The following FBXO42 variants were observed in gnomAD, a reference collection of about 807,000 sequenced individuals.
The protein encoded by FBXO42 is F-box protein 42.
FBXO42 carries 12 observed loss-of-function variants against 71.7 expected under a neutral mutation model. The ratio of observed to expected loss-of-function variants is 0.17; its 90% CI spans 0.11 to 0.27. The LOEUF (loss-of-function observed/expected upper bound fraction) is 0.27, where lower values mean the gene tolerates loss of function less well. Ranked by LOEUF, FBXO42 falls within the 10% of genes least tolerant of loss-of-function variation. The pLI is 1.00. For synonymous variants in FBXO42, 325 were observed against 327.5 expected (o/e 0.99, Z 0.08); for missense variants, 707 against 911.9 (o/e 0.78, Z 2.89).
At chr1:16,337,713 G>A (rs983899911) in intron 1 of FBXO42, among the ~76,000 whole-genome samples, 12 of 150,240 alleles carry the variant, frequency 8.0e-5, no homozygotes, top group Non-Finnish European at 8.9e-5. Context: ...TGAAACCCCC[G>A]CCTCTACAAA....
rs1230724993 is a variant in FBXO42, at chr1:16,257,683, CT to C, written c.503-925del. 8.9e-4 allele frequency among the ~76,000 whole-genome samples: 136 copies of C among 152,058 alleles called. 2 individuals are homozygous for C. The highest frequency in any genetic ancestry group is 2.4e-4 in the Non-Finnish European group (16 of 67,968). On this transcript the variant is annotated intron_variant, in intron 4 of 9. Coordinates refer to ENST00000375592, the MANE Select transcript of FBXO42 (RefSeq NM_018994.3). ...CCAGGTGTCAGTAAATACCAGAATA[CT>C]TTTTTTTTCCTTTGGAGGTGGAGTC...
chr1:16,339,612 T>C, intron 1 of FBXO42, among the ~76,000 whole-genome samples: 1 of 152,122 alleles, frequency 6.6e-6, no homozygotes, highest in East Asian at 1.9e-4. Context: ...CACCCAGCCA[T>C]AGTTATGTTC....
rs1276127187 is a variant in FBXO42, at chr1:16,251,335, A to G, written c.1489T>C (p.Leu497=). 1 of 1,614,052 alleles carries G rather than the reference A, an allele frequency of 6.2e-7. No individual in the cohort carries two copies. Among genetic ancestry groups the G allele is most frequent in the East Asian group, 2.2e-5 (1 of 44,894 alleles). Residue 497 remains leucine (L), a synonymous_variant, in exon 10 of 10, where the codon TTA becomes CTA. Coordinates refer to ENST00000375592, the MANE Select transcript of FBXO42 (RefSeq NM_018994.3). The surrounding 1 kb of genome is among the most constrained non-coding windows in gnomAD (Gnocchi z 4.5). ...TCCCAATTCAGATCTATGGATCCTA[A>G]TCTCAGATCTTTCTGATCTGGTAGT... ...GSLPDQKDLR[L]GSIDLNWDLK...
At chr1:16,311,503 A>AAAAAT (rs1553153698) in intron 2 of FBXO42, among the ~76,000 whole-genome samples, 2 of 65,564 alleles carry the variant, frequency 3.1e-5, no homozygotes, top group Admixed American at 1.7e-4. Context: ...AAAAAAAAAA[A>AAAAAT]ATATATATAT....
intron 2 of FBXO42, among the ~76,000 whole-genome samples, chr1:16,312,237 C>T (rs960603029): frequency 1.3e-5 from 2 of 151,980 alleles, no homozygotes; most frequent in African/African-American, 4.8e-5. Flanking sequence ...TGGTGCACAC[C>T]TGTGGTCCCA....
Position 16,252,988 on chromosome 1 carries a change from A to C in FBXO42, c.921+108T>G. The C allele has an allele frequency of 1.1e-6, 1 of 945,332 alleles. No individual in the cohort carries two copies. Among genetic ancestry groups the C allele is most frequent in the Non-Finnish European group, 1.6e-6 (1 of 641,732 alleles). The allele number at this position is 945,332 out of a possible 1,614,324, so 58.6% of individuals were successfully genotyped here. A position where few individuals can be genotyped will look rare whatever the true frequency, so the allele number is the denominator to read the frequency against. On this transcript the variant is annotated intron_variant, in intron 8 of 9. Coordinates refer to ENST00000375592, the MANE Select transcript of FBXO42 (RefSeq NM_018994.3). This position sits in a 1 kb window ranked among gnomAD's most constrained non-coding sequence, Gnocchi z 4.4. ...ATACCCAAAAAGCATTCCTTAAATT[A>C]AAATGCCATGGAAATAGTCTTGTAT...
At chr1:16,255,206 T>C (rs1380420437) in intron 6 of FBXO42, among the ~76,000 whole-genome samples, 1 of 152,212 alleles carries the variant, frequency 6.6e-6, no homozygotes, top group Non-Finnish European at 1.5e-5. Flanking sequence ...AGATTCTATA[T>C]AACTATGATT....
chr1:16,333,357 A>G (rs1166928214), intron 1 of FBXO42, among the ~76,000 whole-genome samples: 2 of 151,974 alleles, frequency 1.3e-5, no homozygotes, highest in African/African-American at 4.8e-5. Context: ...TTATGCCTAT[A>G]ATCACAGCAA....
At chr1:16,272,134 G>C (rs1374138859) in intron 4 of FBXO42, among the ~76,000 whole-genome samples, 2 of 125,994 alleles carry the variant, frequency 1.6e-5, no homozygotes, top group Non-Finnish European at 3.3e-5. Context: ...CAGCCTGGGG[G>C]ACAGAGCAAG....
Position 16,315,363 on chromosome 1 carries a change from T to C in FBXO42, c.56A>G (p.Glu19Gly). 2 of 1,614,198 alleles carry C rather than the reference T, an allele frequency of 1.2e-6. No individual in the cohort carries two copies. Among genetic ancestry groups the C allele is most frequent in the Non-Finnish European group, 1.7e-6 (2 of 1,180,038 alleles). Residue 19 changes from glutamate to glycine, a missense_variant, in exon 2 of 10, where the codon GAA becomes GGA. By Grantham distance (98) the Glu-to-Gly change is moderately conservative. Transcript: ENST00000375592. ...ATCCATTGTCCCTTCCAGCACAGTT[T>C]CTTCCTGGTCCACAGCCATGAAACT... ...DDSFMAVDQEETVLEGTMDQD... is the reference protein window; with the variant it reads ...DDSFMAVDQEGTVLEGTMDQD...
chr1:16,274,141 C>G (rs2081873496), intron 4 of FBXO42, among the ~76,000 whole-genome samples: 1 of 151,498 alleles, frequency 6.6e-6, no homozygotes, highest in South Asian at 2.1e-4. Flanking sequence ...AGTACCCCAT[C>G]TCTACAAAAA....
At chr1:16,350,855 C>T (rs547729919) in intron 1 of FBXO42, among the ~76,000 whole-genome samples, 4 of 151,518 alleles carry the variant, frequency 2.6e-5, no homozygotes, top group African/African-American at 9.7e-5. Flanking sequence ...TTTTAAGATA[C>T]GCAACATGCC....
intron 2 of FBXO42, among the ~76,000 whole-genome samples, chr1:16,308,230 C>T (rs1318125358): frequency 6.6e-6 from 1 of 152,154 alleles, no homozygotes; most frequent in Non-Finnish European, 1.5e-5. Flanking sequence ...TTCCTCCCAT[C>T]TCAGCCTCTC....
chr1:16,308,915 G>A (rs1378924636), intron 2 of FBXO42, among the ~76,000 whole-genome samples: 9 of 148,726 alleles, frequency 6.1e-5, no homozygotes, highest in Admixed American at 6.0e-4. Flanking sequence ...AGCTAATTTT[G>A]CATTTTTAGT....
At chr1:16,295,990 T>C (rs2082125279) in intron 3 of FBXO42, among the ~76,000 whole-genome samples, 1 of 152,208 alleles carries the variant, frequency 6.6e-6, no homozygotes, top group African/African-American at 2.4e-5. Flanking sequence ...AAAAGCCTTC[T>C]TTGATTAGAT....
intron 1 of FBXO42, among the ~76,000 whole-genome samples, chr1:16,346,386 T>G (rs61770560): frequency 0.081 from 12,377 of 152,150 alleles, 689 homozygotes; most frequent in Non-Finnish European, 0.12. Flanking sequence ...TTCAAATCTA[T>G]TTATTACTAG....
Position 16,250,246 on chromosome 1 carries a change from TAC to T in FBXO42, c.*422_*423del, listed in dbSNP as rs1418267672. On this transcript the variant is annotated 3_prime_UTR_variant, in exon 10 of 10. Coordinates refer to ENST00000375592, the MANE Select transcript of FBXO42 (RefSeq NM_018994.3). The surrounding 1 kb of genome is among the most constrained non-coding windows in gnomAD (Gnocchi z 4.7). ...TCTAAAACCCTCCACCTTTGCAACT[TAC>T]ATATGCCCTTTCATTTTTTAACTCC... 1 of 152,564 alleles carries T rather than the reference TAC, an allele frequency of 6.6e-6. No homozygotes were observed. The highest frequency in any genetic ancestry group is 6.5e-5 in the Admixed American group (1 of 15,276). The allele number at this position is 152,564 out of a possible 1,614,324, so 9.5% of individuals were successfully genotyped here. A position where few individuals can be genotyped will look rare whatever the true frequency, so the allele number is the denominator to read the frequency against.
intron 2 of FBXO42, among the ~76,000 whole-genome samples, chr1:16,312,941 C>T (rs1224566643): frequency 1.3e-5 from 2 of 151,816 alleles, no homozygotes; most frequent in African/African-American, 4.8e-5. Context: ...ACTACAGGCA[C>T]CCACCACCAT....
chr1:16,256,266 G>A (rs1273525678), intron 5 of FBXO42, among the ~76,000 whole-genome samples: 1 of 152,212 alleles, frequency 6.6e-6, no homozygotes, highest in Non-Finnish European at 1.5e-5. Flanking sequence ...TTAGGAGTAA[G>A]GAATCATCTG....
Sources: gnomAD v4.1 joint callset for allele counts (sites outside exome capture counted in the v4.1 genomes callset) on GRCh38, gnomAD v4.1.1 for gene constraint, Gnocchi (gnomAD v3.1) non-coding constraint, MANE v1.5 for transcripts, NCBI Gene and HGNC (gene_info 2026-07-23, HGNC 2026-07-21) for gene names.